The following SGCD variants were observed in gnomAD, a reference collection of about 807,000 sequenced individuals.
SGCD encodes the protein delta-sarcoglycan.
A neutral mutation model predicts 36.6 loss-of-function variants in SGCD; 18 were observed. The ratio of observed to expected loss-of-function variants is 0.49; its 90% CI spans 0.34 to 0.73. The LOEUF (loss-of-function observed/expected upper bound fraction) is 0.73, where lower values mean the gene tolerates loss of function less well. Among genes scored for constraint, SGCD ranks in the 30% least tolerant of loss-of-function variants. The pLI, the probability that SGCD is intolerant of heterozygous loss-of-function variation, is 0.01. For missense variants in SGCD, 387 were observed against 346.7 expected (o/e 1.12, Z -0.92); for synonymous variants, 133 against 130.6 (o/e 1.02, Z -0.12).
intron 1 of SGCD, among the ~76,000 whole-genome samples, chr5:156,056,771 C>T (rs1435045164): frequency 6.9e-6 from 1 of 145,250 alleles, no homozygotes; most frequent in African/African-American, 2.5e-5. Context: ...ATTCTCCTGT[C>T]TTGATAAATC....
intron 7 of SGCD, among the ~76,000 whole-genome samples, chr5:156,735,085 ACTC>A (rs2113029497): frequency 6.6e-6 from 1 of 151,904 alleles, no homozygotes; most frequent in Non-Finnish European, 1.5e-5. Flanking sequence ...CTGGGGATCC[ACTC>A]CAGTCCCTAA....
intron 1 of SGCD, among the ~76,000 whole-genome samples, chr5:156,014,814 G>A (rs1331774485): frequency 1.3e-5 from 2 of 152,066 alleles, no homozygotes; most frequent in African/African-American, 4.8e-5. Flanking sequence ...ATGCTATGAC[G>A]TTTTTGACTA....
At chr5:155,962,060 G>A (rs1178010573) in intron 1 of SGCD, among the ~76,000 whole-genome samples, 1 of 151,996 alleles carries the variant, frequency 6.6e-6, no homozygotes, top group Non-Finnish European at 1.5e-5. Flanking sequence ...TAATGGGGTA[G>A]GAATATTAAA....
intron 1 of SGCD, among the ~76,000 whole-genome samples, chr5:156,026,523 T>G (rs1159370619): frequency 2.0e-5 from 3 of 152,212 alleles, no homozygotes; most frequent in African/African-American, 7.2e-5. Context: ...CTTAATGTAC[T>G]TTCAATTATA....
chr5:156,091,307 G>A (rs535972125), intron 1 of SGCD, among the ~76,000 whole-genome samples: 2 of 152,256 alleles, frequency 1.3e-5, no homozygotes, highest in South Asian at 2.1e-4. Flanking sequence ...GGCTTCAGCC[G>A]GTCCCTCTGT....
intron 7 of SGCD, among the ~76,000 whole-genome samples, chr5:156,686,621 A>T (rs32072): frequency 0.78 from 119,006 of 152,094 alleles, 47,245 homozygotes; most frequent in Admixed American, 0.86. Context: ...GCTTACTCAG[A>T]TGCTGACAGG....
intron 3 of SGCD, among the ~76,000 whole-genome samples, chr5:156,477,657 T>TA (rs1755241439): frequency 8.5e-6 from 1 of 117,274 alleles, no homozygotes; most frequent in African/African-American, 3.5e-5. Context: ...TGGTTTTTTA[T>TA]AGACAACACA....
intron 4 of SGCD, among the ~76,000 whole-genome samples, chr5:156,563,075 G>C (rs1333332763): frequency 1.3e-5 from 2 of 151,992 alleles, no homozygotes; most frequent in African/African-American, 2.4e-5. Context: ...TGCCTCCCAG[G>C]TTCAAGCGAT....
Position 156,397,080 on chromosome 5 carries a change from G to T in SGCD, c.192+52403G>T, listed in dbSNP as rs73812229. Among the ~76,000 whole-genome samples the T allele has an allele frequency of 4.1e-3, 623 of 152,266 alleles. 3 individuals are homozygous for T. The highest frequency in any genetic ancestry group is 0.014 in the African/African-American group (587 of 41,562). ...AAGGAGCCCTGGAGGAAAGAGTATTGATCAGGTTCTCATCCCTGCATTAAC... is the reference window on the plus strand; with the variant it reads ...AAGGAGCCCTGGAGGAAAGAGTATTTATCAGGTTCTCATCCCTGCATTAAC... On this transcript the variant is annotated intron_variant, in intron 3 of 8. Transcript: ENST00000337851.
intron 3 of SGCD, among the ~76,000 whole-genome samples, chr5:156,212,796 T>C (rs1764479367): frequency 1.3e-5 from 2 of 152,100 alleles, no homozygotes; most frequent in Admixed American, 1.3e-4. Context: ...TTCTATCAAG[T>C]ATTATTTTCT....
At chr5:156,700,384 A>C (rs1754481170) in intron 7 of SGCD, among the ~76,000 whole-genome samples, 1 of 151,968 alleles carries the variant, frequency 6.6e-6, no homozygotes, top group Non-Finnish European at 1.5e-5. Context: ...TTTCATGGGG[A>C]AAATATAGGT....
At chr5:155,804,860 C>G in the SGCD span, among the ~76,000 whole-genome samples, 1 of 152,184 alleles carries the variant, frequency 6.6e-6, no homozygotes, top group Non-Finnish European at 1.5e-5. Flanking sequence ...AAAACACCAT[C>G]TATGTACCAG....
intron 1 of SGCD, among the ~76,000 whole-genome samples, chr5:156,045,241 T>C (rs542376898): frequency 1.3e-5 from 2 of 152,278 alleles, no homozygotes; most frequent in East Asian, 1.9e-4. Context: ...CAATGAACTT[T>C]CAACAAAAGT....
chr5:156,671,573 C>T (rs1379966626), intron 7 of SGCD, among the ~76,000 whole-genome samples: 1 of 152,060 alleles, frequency 6.6e-6, no homozygotes, highest in Non-Finnish European at 1.5e-5. Context: ...TGTGCCTGGC[C>T]CTATTCATTT....
chr5:156,238,982 A>G (rs249892), intron 3 of SGCD, among the ~76,000 whole-genome samples: 88,514 of 152,002 alleles, frequency 0.58, 25,965 homozygotes, highest in East Asian at 0.69. Flanking sequence ...TGGACCAAAG[A>G]CATTCTGAAT....
intron 1 of SGCD, among the ~76,000 whole-genome samples, chr5:155,976,856 T>C (rs1267982297): frequency 6.6e-6 from 1 of 152,182 alleles, no homozygotes; most frequent in African/African-American, 2.4e-5. Flanking sequence ...TCTCCAAGCC[T>C]GCAACCACTG....
At chr5:156,751,196 A>C (rs563030473) in intron 7 of SGCD, among the ~76,000 whole-genome samples, 36 of 152,330 alleles carry the variant, frequency 2.4e-4, no homozygotes, top group African/African-American at 8.2e-4. Flanking sequence ...AAAACCCCAA[A>C]AGAGAGCCAT....
intron 1 of SGCD, among the ~76,000 whole-genome samples, chr5:156,092,364 T>C (rs1029112234): frequency 5.9e-5 from 9 of 152,186 alleles, no homozygotes; most frequent in African/African-American, 1.9e-4. Flanking sequence ...TATATCCACA[T>C]TGGGCCAGGT....
At chr5:155,744,328 C>T in the SGCD span, among the ~76,000 whole-genome samples, 345 of 152,088 alleles carry the variant, frequency 2.3e-3, 2 homozygotes, top group African/African-American at 8.0e-3. Context: ...GGTGTGGTAG[C>T]GCATGCCTGT....
Sources: allele counts gnomAD v4.1 joint callset (sites outside exome capture counted in the v4.1 genomes callset), GRCh38; gene constraint gnomAD v4.1.1; transcripts MANE v1.5; gene names NCBI Gene and HGNC (gene_info 2026-07-23, HGNC 2026-07-21).